The following EEPD1 variants were observed in gnomAD, a reference collection of about 807,000 sequenced individuals.
EEPD1 encodes the protein endonuclease/exonuclease/phosphatase family domain-containing protein 1.
EEPD1 carries 17 observed loss-of-function variants against 46.3 expected under a neutral mutation model. The ratio of observed to expected loss-of-function variants is 0.37; its 90% CI spans 0.25 to 0.55. The LOEUF (loss-of-function observed/expected upper bound fraction) is 0.55. Ranked by LOEUF, EEPD1 falls within the 20% of genes least tolerant of loss-of-function variation. EEPD1 has a pLI of 0.83. For missense variants in EEPD1, 673 were observed against 745.6 expected (o/e 0.90, Z 1.13); for synonymous variants, 313 against 315.6 (o/e 0.99, Z 0.09).
intron 7 of EEPD1, among the ~76,000 whole-genome samples, chr7:36,298,609 C>A (rs924038238): frequency 2.3e-4 from 35 of 152,060 alleles, no homozygotes; most frequent in Non-Finnish European, 7.4e-5. Context: ...ACCCCTAACC[C>A]CCTTAGTGTC....
At chr7:36,255,303 T>C (rs2115818383) in intron 3 of EEPD1, among the ~76,000 whole-genome samples, 1 of 152,306 alleles carries the variant, frequency 6.6e-6, no homozygotes, top group East Asian at 1.9e-4. Flanking sequence ...CCATCTTGAG[T>C]TAATTTTTGT....
At position 36,264,046 on chromosome 7, in the gene EEPD1, G is replaced by C. The variant is rs554170235; in HGVS notation, c.931-17069G>C. The stretch of plus-strand genomic sequence containing the variant: ...GAAAAAATTATATATGTTTGTGGGG[G>C]AGAGACTTTTACATGGATAAAGCTC... On this transcript the variant is annotated intron_variant, in intron 3 of 7. Transcript: ENST00000242108. Among the ~76,000 whole-genome samples, 9 of 152,300 alleles carry C rather than the reference G, an allele frequency of 5.9e-5. No individual in the cohort carries two copies. In the East Asian group the frequency reaches 1.7e-3, roughly 29 times the overall value.
At chr7:36,214,381 G>A (rs1785991728) in intron 2 of EEPD1, among the ~76,000 whole-genome samples, 1 of 152,184 alleles carries the variant, frequency 6.6e-6, no homozygotes, top group African/African-American at 2.4e-5. Flanking sequence ...ATAATGTTGG[G>A]CTGTCCCATC....
chr7:36,170,974 T>C (rs974516109), intron 2 of EEPD1, among the ~76,000 whole-genome samples: 1 of 152,140 alleles, frequency 6.6e-6, no homozygotes, highest in African/African-American at 2.4e-5. Flanking sequence ...GGCTGTGGAG[T>C]ACAGTGGCCT....
At chr7:36,181,478 C>T (rs1785268366) in intron 2 of EEPD1, among the ~76,000 whole-genome samples, 1 of 152,202 alleles carries the variant, frequency 6.6e-6, no homozygotes, top group Admixed American at 6.5e-5. Flanking sequence ...CTGTCTAGCA[C>T]AGCCTGACAC....
Position 36,225,594 on chromosome 7 carries a change from A to C in EEPD1, c.879-13391A>C, listed in dbSNP as rs1378257889. ...CCAAACAGAGAAAAAAGTAACAAAA[A>C]TTAAGTCGACTTTAGACTTGTTCTG... On this transcript the variant is annotated intron_variant, in intron 2 of 7. Transcript: ENST00000242108. This position sits in a 1 kb window ranked among gnomAD's most constrained non-coding sequence, Gnocchi z 4.2. 6.6e-6 allele frequency among the ~76,000 whole-genome samples: 1 copy of C among 152,184 alleles called. No individual in the cohort carries two copies. The highest frequency in any genetic ancestry group is 1.5e-5 in the Non-Finnish European group (1 of 68,036).
chr7:36,250,704 C>T (rs971358700), intron 3 of EEPD1, among the ~76,000 whole-genome samples: 1 of 151,984 alleles, frequency 6.6e-6, no homozygotes, highest in Non-Finnish European at 1.5e-5. Context: ...GGCTATTGAC[C>T]CCTTTAAATA....
At chr7:36,259,654 C>T (rs1201217023) in intron 3 of EEPD1, among the ~76,000 whole-genome samples, 1 of 151,706 alleles carries the variant, frequency 6.6e-6, no homozygotes, top group African/African-American at 2.4e-5. Context: ...GAATTACAGG[C>T]ACACACCACC....
intron 2 of EEPD1, among the ~76,000 whole-genome samples, chr7:36,165,109 G>C (rs1236690754): frequency 2.0e-5 from 3 of 152,188 alleles, no homozygotes; most frequent in Non-Finnish European, 4.4e-5. Flanking sequence ...GTAGTGTACA[G>C]TCATGTCCTG....
chr7:36,290,826 G>A (rs1436632685), intron 6 of EEPD1, among the ~76,000 whole-genome samples: 2 of 152,158 alleles, frequency 1.3e-5, no homozygotes, highest in East Asian at 1.9e-4. Flanking sequence ...AGCCCAAAAC[G>A]TTCTCCCCTC....
intron 6 of EEPD1, among the ~76,000 whole-genome samples, chr7:36,288,884 G>A (rs867517881): frequency 1.3e-5 from 2 of 152,306 alleles, no homozygotes; most frequent in Non-Finnish European, 1.5e-5. Context: ...TGAAGACTGT[G>A]ATCTTATCCA....
chr7:36,238,459 T>G (rs1209535451), intron 2 of EEPD1, among the ~76,000 whole-genome samples: 2 of 152,230 alleles, frequency 1.3e-5, no homozygotes, highest in African/African-American at 4.8e-5. Flanking sequence ...TGAATTTGAC[T>G]ACTCTAAGAT....
intron 2 of EEPD1, among the ~76,000 whole-genome samples, chr7:36,172,103 T>C (rs1407312164): frequency 6.6e-6 from 1 of 152,244 alleles, no homozygotes; most frequent in African/African-American, 2.4e-5. Context: ...CTCTTCTGTC[T>C]TACTGTGGTG....
rs200529512 is a variant in EEPD1, at chr7:36,243,581, C to T, written c.930+4545C>T. ...AACACCCTGCTGTGATAGAACTGGT[C>T]GCTTCTAGCCAGACAGTCCCAACAG... On this transcript the variant is annotated intron_variant, in intron 3 of 7. Transcript: ENST00000242108. Among the ~76,000 whole-genome samples the T allele has an allele frequency of 5.6e-4, 85 of 152,230 alleles. 1 individual carries two copies. Among genetic ancestry groups the T allele is most frequent in the African/African-American group, 1.4e-3 (59 of 41,540 alleles).
chr7:36,277,923 C>T (rs947366445), intron 3 of EEPD1, among the ~76,000 whole-genome samples: 1 of 152,156 alleles, frequency 6.6e-6, no homozygotes, highest in Admixed American at 6.5e-5. Context: ...ATTCTGCTTC[C>T]TTAGGGCTCC....
chr7:36,160,678 G>C (rs1031036024), intron 2 of EEPD1, among the ~76,000 whole-genome samples: 4 of 145,234 alleles, frequency 2.8e-5, no homozygotes, highest in African/African-American at 1.0e-4. Context: ...GGAGGTGGTG[G>C]GGGGCGGGGC....
chr7:36,201,981 G>A (rs1014425824), intron 2 of EEPD1, among the ~76,000 whole-genome samples: 1 of 152,204 alleles, frequency 6.6e-6, no homozygotes, highest in Non-Finnish European at 1.5e-5. Flanking sequence ...AGCAGCATCA[G>A]CATCATCTGA....
intron 7 of EEPD1, among the ~76,000 whole-genome samples, chr7:36,297,993 T>C (rs1314396385): frequency 1.3e-5 from 2 of 152,206 alleles, no homozygotes; most frequent in African/African-American, 4.8e-5. Flanking sequence ...CGAGAGAGAC[T>C]AATGGGCAGC....
chr7:36,184,245 T>C (rs1412298470), intron 2 of EEPD1, among the ~76,000 whole-genome samples: 1 of 152,214 alleles, frequency 6.6e-6, no homozygotes, highest in Non-Finnish European at 1.5e-5. Flanking sequence ...TGAAGTATTA[T>C]TCTTTTTTGT....
Sources: gnomAD v4.1 joint callset for allele counts (sites outside exome capture counted in the v4.1 genomes callset) on GRCh38, gnomAD v4.1.1 for gene constraint, Gnocchi (gnomAD v3.1) non-coding constraint, MANE v1.5 for transcripts, NCBI Gene and HGNC (gene_info 2026-07-23, HGNC 2026-07-21) for gene names.